TOR1AIP1: variants seen among roughly 807,000 people sequenced by gnomAD.
TOR1AIP1 encodes the protein torsin-1A-interacting protein 1.
Under a neutral mutation model 63.3 loss-of-function variants are expected in TOR1AIP1, and 54 were observed. The observed-to-expected ratio is 0.85, with a 90% confidence interval of 0.69 to 1.07. TOR1AIP1 has a LOEUF of 1.07. Ranked by LOEUF, TOR1AIP1 falls within the 50% of genes least tolerant of loss-of-function variation. The probability of loss-of-function intolerance (pLI) is 0.00; values close to 1 mark genes in which losing one functional copy is unlikely to be tolerated. For missense variants in TOR1AIP1, 736 were observed against 715.0 expected, an observed-to-expected ratio of 1.03 and a Z score of -0.33; for synonymous variants, 294 against 273.5, an observed-to-expected ratio of 1.07 and a Z score of -0.74.
At chr1:179,901,185 A>C in intron 4 of TOR1AIP1, 117 bp from the exon 5 acceptor site, 1 of 558,118 alleles carries the variant, frequency 1.8e-6, no homozygotes, top group Non-Finnish European at 3.0e-6. Flanking sequence ...CAGTAGTTCT[A>C]TATCTGATAA....
At chr1:179,888,219 G>T (rs1464230318) in intron 2 of TOR1AIP1, among the ~76,000 whole-genome samples, 1 of 152,172 alleles carries the variant, frequency 6.6e-6, no homozygotes, top group Non-Finnish European at 1.5e-5. Flanking sequence ...AAAGAGGAAG[G>T]TAGTTGTAAT....
At position 179,903,950 on chromosome 1, in the gene TOR1AIP1, G is replaced by C; in HGVS notation, c.740-16G>C. On this transcript the variant is annotated splice_polypyrimidine_tract_variant and intron_variant, in intron 5 of 9. Transcript: ENST00000606911. ...AGTTGGATATTATTTATAGTGTACT[G>C]TTTTTTATTTTTTAGATAAAACCAC... 6.4e-7 allele frequency: 1 copy of C among 1,550,898 alleles called. No individual in the cohort carries two copies. The highest frequency in any genetic ancestry group is 1.1e-5 in the South Asian group (1 of 87,176).
intron 1 of TOR1AIP1, 21 bp downstream of exon 1, chr1:179,882,998 A>G (rs892436511): frequency 6.3e-7 from 1 of 1,592,502 alleles, no homozygotes; most frequent in Non-Finnish European, 8.5e-7. Flanking sequence ...CGGAGGTAAC[A>G]GTCCCAGCCG....
At chr1:179,893,861 A>G (rs1648182004) in intron 3 of TOR1AIP1, among the ~76,000 whole-genome samples, 1 of 152,234 alleles carries the variant, frequency 6.6e-6, no homozygotes, top group African/African-American at 2.4e-5. Context: ...GCTGAAAAAG[A>G]CAAAGCATGT....
At chr1:179,906,760 CAG>C (rs562098781) in intron 6 of TOR1AIP1, among the ~76,000 whole-genome samples, 2,444 of 105,048 alleles carry the variant, frequency 0.023, 106 homozygotes, top group African/African-American at 0.084. Context: ...TTTTTTGAGA[CAG>C]AGTCTCGCTC....
At chr1:179,895,052 G>T (rs769492825) in intron 3 of TOR1AIP1, among the ~76,000 whole-genome samples, 1 of 152,168 alleles carries the variant, frequency 6.6e-6, no homozygotes, top group Non-Finnish European at 1.5e-5. Flanking sequence ...CACTAGAGGC[G>T]ATGACTGTTA....
In TOR1AIP1 at chr1:179,889,314, G is replaced by A. The variant is rs769367527; in HGVS notation, c.555G>A (p.Val185=). 1.1e-5 allele frequency: 17 copies of A among 1,598,506 alleles called. No individual in the cohort carries two copies. Among genetic ancestry groups the A allele is most frequent in the Non-Finnish European group, 1.5e-5 (17 of 1,168,042 alleles). ...TGTTTTCTCTTCCTATATTAGCAGT[G>A]AGTGAAGATCTTGTAATCAGGTTAC... ...KTVRSIQEAP[V]SEDLVIRLRR... Residue 185 remains valine (V), a splice_region_variant and synonymous_variant, in exon 3 of 10, where the codon GTG becomes GTA. Coordinates refer to ENST00000606911, the MANE Select transcript of TOR1AIP1 (RefSeq NM_015602.4).
chr1:179,897,314 A>G lies in TOR1AIP1; in HGVS notation c.611-2812A>G, dbSNP rs574349562. On this transcript the variant is annotated intron_variant, in intron 3 of 9. Transcript: ENST00000606911. ...CTGGCTAAAAAATAATTATTAAACC[A>G]TCTCTCCATGCTAATTAGATAACAC... Among the ~76,000 whole-genome samples the G allele has an allele frequency of 3.3e-5, 5 of 152,284 alleles. No individual in the cohort carries two copies. In the South Asian group the frequency reaches 8.3e-4, roughly 25 times the overall value.
Position 179,918,107 on chromosome 1 carries a change from C to A in TOR1AIP1, c.1620C>A (p.Phe540Leu). Residue 540 changes from phenylalanine to leucine, a missense_variant, in exon 10 of 10, where the codon TTC becomes TTA. Phe to Leu is a conservative substitution (Grantham distance 22). This residue lies in a region of TOR1AIP1 where 272 missense variants were observed against 344.1 expected (regional missense o/e 0.79). Transcript: ENST00000606911. Reference protein sequence around the residue: ...EKVRDFLKVKFTNSNTPNSYN... With the variant: ...EKVRDFLKVKLTNSNTPNSYN... ...TAAGAGATTTTCTTAAAGTCAAGTT[C>A]ACCAATTCTAACACACCCAACTCCT... 1 of 1,614,080 alleles carries A rather than the reference C, an allele frequency of 6.2e-7. No individual in the cohort carries two copies. Among genetic ancestry groups the A allele is most frequent in the Non-Finnish European group, 8.5e-7 (1 of 1,180,034 alleles).
At chr1:179,891,408 G>C (rs1370913459) in intron 3 of TOR1AIP1, among the ~76,000 whole-genome samples, 1 of 151,728 alleles carries the variant, frequency 6.6e-6, no homozygotes, top group Non-Finnish European at 1.5e-5. Flanking sequence ...ATTTTTAGTA[G>C]AGACAGGGTT....
chr1:179,913,771 C>T (rs1648908461), intron 8 of TOR1AIP1: 1 of 665,298 alleles, frequency 1.5e-6, no homozygotes, highest in Non-Finnish European at 2.7e-6. Flanking sequence ...GTGCTTTGTA[C>T]TAGACCCCAC....
In TOR1AIP1 at chr1:179,917,740, C is replaced by G; in HGVS notation, c.1253C>G (p.Ala418Gly). The G allele has an allele frequency of 3.7e-6, 6 of 1,614,216 alleles. No homozygotes were observed. Among genetic ancestry groups the G allele is most frequent in the Non-Finnish European group, 5.1e-6 (6 of 1,180,042 alleles). Residue 418 changes from alanine (A) to glycine (G), a missense_variant, in exon 10 of 10, where the codon GCT (alanine) becomes GGT (glycine). Coordinates refer to ENST00000606911, the MANE Select transcript of TOR1AIP1 (RefSeq NM_015602.4). ...TTACTGCTCACTGCTGCCCGAGATG[C>G]TGAAGAAGCACTTAGGTGTCTGAGT... ...AILLLTAARD[A>G]EEALRCLSEQ...
rs1276959227 is a variant in TOR1AIP1, at chr1:179,917,534, T to C, written c.1047T>C (p.Ser349=). The change falls in exon 10 of 10, where the codon TCT becomes TCC. Residue 349 remains serine, a synonymous_variant. Coordinates refer to ENST00000606911, the MANE Select transcript of TOR1AIP1 (RefSeq NM_015602.4). The part of the protein sequence containing the change: ...WLLPLIAALA[S]GSFWFFSTPE... ...TTCCTCTGATAGCTGCTCTTGCCTCTGGGAGTTTTTGGTTCTTTAGTACTC... is the reference window on the plus strand; with the variant it reads ...TTCCTCTGATAGCTGCTCTTGCCTCCGGGAGTTTTTGGTTCTTTAGTACTC... 8.7e-6 allele frequency: 14 copies of C among 1,614,042 alleles called. No homozygotes were observed. Among genetic ancestry groups the C allele is most frequent in the African/African-American group, 1.3e-5 (1 of 74,932 alleles).
At chr1:179,912,011 CTTTT>C (rs760415120) in intron 8 of TOR1AIP1, among the ~76,000 whole-genome samples, 100 of 45,806 alleles carry the variant, frequency 2.2e-3, no homozygotes, top group African/African-American at 2.6e-3. Context: ...TCTTTTTTTT[CTTTT>C]TTTTTTCTTT....
intron 3 of TOR1AIP1, among the ~76,000 whole-genome samples, 156 bp from the exon 4 acceptor site, chr1:179,899,970 G>T (rs1648398505): frequency 6.6e-6 from 1 of 152,128 alleles, no homozygotes; most frequent in Non-Finnish European, 1.5e-5. Flanking sequence ...AACAGAAAAA[G>T]AATTTATTTA....
At position 179,882,885 on chromosome 1, in the gene TOR1AIP1, C is replaced by G; in HGVS notation, c.383C>G (p.Thr128Ser). 1 of 1,614,190 alleles carries G rather than the reference C, an allele frequency of 6.2e-7. No homozygotes were observed. Among genetic ancestry groups the G allele is most frequent in the Non-Finnish European group, 8.5e-7 (1 of 1,180,042 alleles). Residue 128 changes from threonine (T) to serine (S), a missense_variant, in exon 1 of 10, where the codon ACC becomes AGC. By Grantham distance (58) the Thr-to-Ser change is moderately conservative (BLOSUM62 1). Coordinates refer to ENST00000606911, the MANE Select transcript of TOR1AIP1 (RefSeq NM_015602.4). ...ETEEMKTRRTTRLQQQHSEQP... is the reference protein window; with the variant it reads ...ETEEMKTRRTSRLQQQHSEQP... Reference sequence around the variant, plus strand: ...GAGGAAATGAAGACGCGAAGGACTACCCGCCTTCAGCAGCAGCACTCAGAG... The same window carrying G: ...GAGGAAATGAAGACGCGAAGGACTAGCCGCCTTCAGCAGCAGCACTCAGAG...
At chr1:179,890,477 G>A (rs1648036019) in intron 3 of TOR1AIP1, among the ~76,000 whole-genome samples, 1 of 152,194 alleles carries the variant, frequency 6.6e-6, no homozygotes, top group Non-Finnish European at 1.5e-5. Context: ...TAATGAACCT[G>A]TGGTAAAGAA....
chr1:179,917,882 G>A lies in TOR1AIP1; in HGVS notation c.1395G>A (p.Leu465=). ...TCAAACTAGAGGTAGACCAAGAACT[G>A]AGCAATGGATTTAAGAATGGCCAGA... The part of the protein sequence containing the change: ...DTVKLEVDQE[L]SNGFKNGQNA... Residue 465 remains leucine, a synonymous_variant, in exon 10 of 10, where the codon CTG becomes CTA. Coordinates refer to ENST00000606911, the MANE Select transcript of TOR1AIP1 (RefSeq NM_015602.4). 1 of 1,614,202 alleles carries A rather than the reference G, an allele frequency of 6.2e-7. No individual in the cohort carries two copies. Among genetic ancestry groups the A allele is most frequent in the African/African-American group, 1.3e-5 (1 of 75,042 alleles).
intron 6 of TOR1AIP1, among the ~76,000 whole-genome samples, chr1:179,905,330 G>A (rs933226954): frequency 1.3e-5 from 2 of 152,130 alleles, no homozygotes; most frequent in African/African-American, 2.4e-5. Flanking sequence ...GCCGTGAGCC[G>A]AGATTGTGTC....
Sources: allele counts gnomAD v4.1 joint callset (sites outside exome capture counted in the v4.1 genomes callset), GRCh38; gene constraint gnomAD v4.1.1; regional missense constraint gnomAD v4.1.1; transcripts MANE v1.5; gene names NCBI Gene and HGNC (gene_info 2026-07-23, HGNC 2026-07-21).